NR3C2: variants seen among roughly 807,000 people sequenced by gnomAD.
The protein encoded by NR3C2 is mineralocorticoid receptor.
NR3C2 carries 15 observed loss-of-function variants against 86.4 expected under a neutral mutation model. That is an observed-to-expected ratio of 0.17 (90% CI 0.12 to 0.27). NR3C2 has a LOEUF of 0.27. NR3C2 is among the 10% of genes least tolerant of loss of function. The pLI, the probability that NR3C2 is intolerant of heterozygous loss-of-function variation, is 1.00. For synonymous variants in NR3C2, 458 were observed against 450.5 expected, an observed-to-expected ratio of 1.02 and a Z score of -0.21; for missense variants, 960 against 1,195.6, an observed-to-expected ratio of 0.80 and a Z score of 2.91.
intron 8 of NR3C2, among the ~76,000 whole-genome samples, chr4:148,094,303 AG>A (rs1329041163): frequency 6.6e-6 from 1 of 152,258 alleles, no homozygotes; most frequent in African/African-American, 2.4e-5. Flanking sequence ...AGTGCTTTGG[AG>A]GACAGTATGA....
At chr4:148,302,661 G>A (rs552803574) in intron 2 of NR3C2, among the ~76,000 whole-genome samples, 17 of 152,044 alleles carry the variant, frequency 1.1e-4, no homozygotes, top group South Asian at 2.1e-4. Context: ...TGGTAAAACC[G>A]GCCTCATACC....
intron 8 of NR3C2, among the ~76,000 whole-genome samples, 191 bp from the exon 9 acceptor site, chr4:148,081,690 T>A (rs3733421): frequency 6.6e-6 from 1 of 152,012 alleles, no homozygotes; most frequent in Admixed American, 6.5e-5. Flanking sequence ...CCATGTCATC[T>A]GCCTTTCATG....
intron 6 of NR3C2, among the ~76,000 whole-genome samples, chr4:148,131,633 C>T (rs991520336): frequency 2.6e-5 from 4 of 152,126 alleles, no homozygotes; most frequent in Non-Finnish European, 5.9e-5. Flanking sequence ...TATTTATAAC[C>T]AGGGTAGAAC....
At chr4:148,400,496 T>C (rs1318961351) in intron 2 of NR3C2, among the ~76,000 whole-genome samples, 2 of 152,082 alleles carry the variant, frequency 1.3e-5, no homozygotes, top group African/African-American at 4.8e-5. Context: ...TTTTAAAGAC[T>C]GTGGCCAGGC....
At chr4:148,156,730 T>C (rs1480689387) in intron 4 of NR3C2, among the ~76,000 whole-genome samples, 14 of 152,134 alleles carry the variant, frequency 9.2e-5, no homozygotes, top group Non-Finnish European at 1.9e-4. Context: ...GTTCAACCAT[T>C]GTGGAAGTCA....
chr4:148,197,373 T>C (rs1736487993), intron 3 of NR3C2, among the ~76,000 whole-genome samples: 1 of 152,210 alleles, frequency 6.6e-6, no homozygotes, highest in Non-Finnish European at 1.5e-5. Context: ...AATAACTAAA[T>C]GTAATTTAAA....
In NR3C2 at chr4:148,322,536, C is replaced by G. The variant is rs1451958223; in HGVS notation, c.1758-62419G>C. On this transcript the variant is annotated intron_variant, in intron 2 of 8. Transcript: ENST00000358102. Reference sequence around the variant, plus strand: ...TACACCAATCAGACGTAGATTTGGTCTTTTCACATAGTCCCATATTTCTTG... The same window carrying G: ...TACACCAATCAGACGTAGATTTGGTGTTTTCACATAGTCCCATATTTCTTG... Among the ~76,000 whole-genome samples, 40 of 83,150 alleles carry G rather than the reference C, an allele frequency of 4.8e-4. 1 individual carries two copies. Among genetic ancestry groups the G allele is most frequent in the Non-Finnish European group, 6.6e-4 (30 of 45,242 alleles). The allele number at this position is 83,150 out of a possible 152,430, so 54.5% of individuals were successfully genotyped here. A position where few individuals can be genotyped will look rare whatever the true frequency, so the allele number is the denominator to read the frequency against.
At chr4:148,112,504 T>A (rs1732088911) in intron 8 of NR3C2, among the ~76,000 whole-genome samples, 1 of 152,246 alleles carries the variant, frequency 6.6e-6, no homozygotes, top group South Asian at 2.1e-4. Context: ...TCCAGTTCCC[T>A]GCATTTCCTT....
chr4:148,339,413 A>C (rs1316044280), intron 2 of NR3C2, among the ~76,000 whole-genome samples: 1 of 152,214 alleles, frequency 6.6e-6, no homozygotes, highest in Non-Finnish European at 1.5e-5. Flanking sequence ...TTAGTAGCTA[A>C]ACATTAACCC....
Position 148,329,872 on chromosome 4 carries a change from A to G in NR3C2, c.1758-69755T>C, listed in dbSNP as rs559260301. Among the ~76,000 whole-genome samples the G allele has an allele frequency of 1.3e-4, 20 of 152,326 alleles. No individual in the cohort carries two copies. In the South Asian group the frequency reaches 4.1e-3, roughly 32 times the overall value. ...TTAACTGGAGAAGTTATAACTAAAC[A>G]TGTTAGTTTAACTTGAAACCTAAGT... is the stretch of plus-strand genomic sequence containing the variant. On this transcript the variant is annotated intron_variant, in intron 2 of 8. Transcript: ENST00000358102.
At chr4:148,262,475 C>T (rs1253089151) in intron 2 of NR3C2, among the ~76,000 whole-genome samples, 1 of 152,094 alleles carries the variant, frequency 6.6e-6, no homozygotes, top group Non-Finnish European at 1.5e-5. Context: ...GCACCTCAAC[C>T]TCAACATGGG....
At chr4:148,146,401 G>A (rs6855032) in intron 6 of NR3C2, 80,491 of 152,342 alleles carry the variant, frequency 0.53, 21,434 homozygotes, top group East Asian at 0.71. Flanking sequence ...CCATTTGGAA[G>A]CCAGGCCTCC....
chr4:148,237,456 A>G (rs1188002102), intron 3 of NR3C2, among the ~76,000 whole-genome samples: 1 of 152,210 alleles, frequency 6.6e-6, no homozygotes, highest in African/African-American at 2.4e-5. Flanking sequence ...TAAAATTCTC[A>G]GCAGTACTTA....
chr4:148,389,455 C>T (rs369104675), intron 2 of NR3C2, among the ~76,000 whole-genome samples: 29 of 152,266 alleles, frequency 1.9e-4, no homozygotes, highest in African/African-American at 6.5e-4. Context: ...CGTCTCTCCT[C>T]TTTCCAGTAT....
chr4:148,412,997 A>G (rs1748786529), intron 2 of NR3C2, among the ~76,000 whole-genome samples: 1 of 152,194 alleles, frequency 6.6e-6, no homozygotes, highest in Non-Finnish European at 1.5e-5. Context: ...TAAGACAGCA[A>G]TCTCAATCTG....
chr4:148,443,078 A>G (rs1290556538), upstream of NR3C2: 3 of 625,966 alleles, frequency 4.8e-6, no homozygotes, highest in Admixed American at 1.9e-4. Context: ...CTGTCTCCAG[A>G]GTTACCTCTC....
chr4:148,091,476 C>T (rs542852645), intron 8 of NR3C2, among the ~76,000 whole-genome samples: 106 of 152,340 alleles, frequency 7.0e-4, no homozygotes, highest in African/African-American at 1.5e-3. Flanking sequence ...TTAGCAGCTG[C>T]AGGTGGTTAG....
At chr4:148,403,802 T>C (rs1330418525) in intron 2 of NR3C2, among the ~76,000 whole-genome samples, 2 of 152,090 alleles carry the variant, frequency 1.3e-5, no homozygotes, top group Non-Finnish European at 2.9e-5. Context: ...GTTTATGTTT[T>C]AAATGAAGGT....
intron 1 of NR3C2, among the ~76,000 whole-genome samples, chr4:148,437,069 C>T (rs1234539802): frequency 1.3e-5 from 2 of 152,114 alleles, no homozygotes; most frequent in Non-Finnish European, 2.9e-5. Flanking sequence ...ACAAGAGAAG[C>T]GATCATATAA....
Sources: allele counts gnomAD v4.1 joint callset (sites outside exome capture counted in the v4.1 genomes callset), GRCh38; gene constraint gnomAD v4.1.1; transcripts MANE v1.5; gene names NCBI Gene and HGNC (gene_info 2026-07-23, HGNC 2026-07-21).